Variants in LDB2 observed in about 807,000 individuals in gnomAD.
LDB2 encodes the protein LIM domain binding 2.
Under a neutral mutation model 44.3 loss-of-function variants are expected in LDB2, and 12 were observed. The ratio of observed to expected loss-of-function variants is 0.27; its 90% CI spans 0.17 to 0.44. The LOEUF is 0.44. LDB2 is among the 20% of genes least tolerant of loss of function. LDB2 has a pLI of 1.00. For missense variants in LDB2, 344 were observed against 473.5 expected (o/e 0.73, Z 2.54); for synonymous variants, 164 against 174.8 (o/e 0.94, Z 0.49).
chr4:16,744,857 A>G (rs1488580449), intron 2 of LDB2, among the ~76,000 whole-genome samples: 1 of 152,232 alleles, frequency 6.6e-6, no homozygotes, highest in Non-Finnish European at 1.5e-5. Flanking sequence ...GCCTTGAGCA[A>G]GTCAAAGCCA....
At position 16,608,295 on chromosome 4, in the gene LDB2, G is replaced by C. The variant is rs147628415; in HGVS notation, c.236-12420C>G. On this transcript the variant is annotated intron_variant, in intron 2 of 7. Transcript: ENST00000304523. Reference sequence around the variant, plus strand: ...AGGAAGTAAAAGTCCTTGGAAATGAGAAGCAGTAAAAAAAGGGTCAGATTC... The same window carrying C: ...AGGAAGTAAAAGTCCTTGGAAATGACAAGCAGTAAAAAAAGGGTCAGATTC... Among the ~76,000 whole-genome samples, 6 of 151,692 alleles carry C rather than the reference G, an allele frequency of 4.0e-5. No homozygotes were observed. The East Asian group carries it at 1.2e-3, about 30-fold the overall frequency.
intron 1 of LDB2, among the ~76,000 whole-genome samples, chr4:16,828,083 G>GCTTC (rs999875421): frequency 1.4e-4 from 21 of 152,110 alleles, no homozygotes; most frequent in Non-Finnish European, 2.4e-4. Context: ...TCCCCAGGAT[G>GCTTC]CTTCCATCTG....
rs1713263664 is a variant in LDB2 at position 16,579,276 on chromosome 4, A to AC, written c.615+6645dup. 2.0e-5 allele frequency among the ~76,000 whole-genome samples: 3 copies of AC among 152,236 alleles called. No homozygotes were observed. In the South Asian group the frequency reaches 6.2e-4, roughly 32 times the overall value. ...ATGCATTACATGCCTGTATCAAAAT[A>AC]CCTCATGTAACTTATAAATATATAC... On this transcript the variant is annotated intron_variant, in intron 5 of 7. Transcript: ENST00000304523.
intron 1 of LDB2, among the ~76,000 whole-genome samples, chr4:16,792,891 A>C (rs1473974181): frequency 6.6e-6 from 1 of 152,236 alleles, no homozygotes; most frequent in South Asian, 2.1e-4. Flanking sequence ...AGAAATAAAC[A>C]TCAATTTGGG....
intron 1 of LDB2, among the ~76,000 whole-genome samples, chr4:16,823,843 C>A (rs1388505420): frequency 1.3e-5 from 2 of 152,176 alleles, no homozygotes; most frequent in Admixed American, 6.5e-5. Flanking sequence ...TACAATCTTA[C>A]CTAATTATGC....
At chr4:16,637,170 A>G (rs373608733) in intron 2 of LDB2, among the ~76,000 whole-genome samples, 1 of 152,206 alleles carries the variant, frequency 6.6e-6, no homozygotes. Flanking sequence ...CACAAATTCT[A>G]CTTTTGTGGA....
intron 7 of LDB2, among the ~76,000 whole-genome samples, chr4:16,505,329 T>C (rs564778773): frequency 4.2e-4 from 64 of 151,896 alleles, no homozygotes; most frequent in Non-Finnish European, 5.1e-4. Context: ...AGCTAGATAC[T>C]TAGTTGTGTG....
chr4:16,531,871 A>T (rs1730259397), intron 5 of LDB2, among the ~76,000 whole-genome samples: 2 of 152,176 alleles, frequency 1.3e-5, no homozygotes, highest in African/African-American at 4.8e-5. Flanking sequence ...GACATTGTGT[A>T]AGGAAATATG....
Position 16,582,688 on chromosome 4 carries a change from G to C in LDB2, c.615+3234C>G, listed in dbSNP as rs893951297. Among the ~76,000 whole-genome samples the C allele has an allele frequency of 6.6e-6, 1 of 152,104 alleles. No homozygotes were observed. The highest frequency in any genetic ancestry group is 1.5e-5 in the Non-Finnish European group (1 of 68,014). On this transcript the variant is annotated intron_variant, in intron 5 of 7. Coordinates refer to ENST00000304523, the MANE Select transcript of LDB2 (RefSeq NM_001290.5). The surrounding 1 kb of genome is among the most constrained non-coding windows in gnomAD (Gnocchi z 4.8). Reference sequence around the variant, plus strand: ...GCTCTGGCTTGGATAACTGCTGCAGGGACACTCAGTCAGCAAGCCACAGCC... The same window carrying C: ...GCTCTGGCTTGGATAACTGCTGCAGCGACACTCAGTCAGCAAGCCACAGCC...
At chr4:16,880,110 G>C (rs534904074) in intron 1 of LDB2, among the ~76,000 whole-genome samples, 1 of 151,878 alleles carries the variant, frequency 6.6e-6, no homozygotes, top group Non-Finnish European at 1.5e-5. Context: ...TTATCAAACC[G>C]ATCCCAGCCT....
At chr4:16,548,343 C>A (rs1180891801) in intron 5 of LDB2, among the ~76,000 whole-genome samples, 1 of 152,180 alleles carries the variant, frequency 6.6e-6, no homozygotes, top group African/African-American at 2.4e-5. Context: ...GGCTTCTGAT[C>A]CCAAATCTTT....
At chr4:16,505,399 TTGACAAA>T (rs1452355005) in intron 7 of LDB2, among the ~76,000 whole-genome samples, 1 of 152,074 alleles carries the variant, frequency 6.6e-6, no homozygotes, top group East Asian at 1.9e-4. Context: ...GCGTGCATAA[TTGACAAA>T]TGGCAAGTTA....
chr4:16,722,493 T>A (rs1436627283), intron 2 of LDB2, among the ~76,000 whole-genome samples: 1 of 152,176 alleles, frequency 6.6e-6, no homozygotes, highest in Non-Finnish European at 1.5e-5. Context: ...AAGCAGATAT[T>A]TTTAAAGGGC....
At chr4:16,874,381 A>G (rs16894125) in intron 1 of LDB2, among the ~76,000 whole-genome samples, 10,800 of 152,224 alleles carry the variant, frequency 0.071, 1,275 homozygotes, top group African/African-American at 0.24. Context: ...TCCAATATCA[A>G]TCTGATGTCT....
At chr4:16,637,865 T>G (rs1734038615) in intron 2 of LDB2, among the ~76,000 whole-genome samples, 1 of 152,002 alleles carries the variant, frequency 6.6e-6, no homozygotes, top group African/African-American at 2.4e-5. Context: ...ACAAAGCACA[T>G]CCTCTGTCAA....
Position 16,563,429 on chromosome 4 carries a change from ATTTTTTTTTTTTTTTTTTTTTTT to A in LDB2, c.615+22470_615+22492del, listed in dbSNP as rs1169491759. Among the ~76,000 whole-genome samples the A allele has an allele frequency of 3.6e-4, 17 of 46,578 alleles. No homozygotes were observed. In the East Asian group the frequency reaches 6.8e-3, roughly 19 times the overall value. 30.6% of individuals were successfully genotyped at this position (46,578 alleles called of 152,430 possible). ...TCAAAACCATCTCATCAGTCATCAG[ATTTTTTTTTTTTTTTTTTTTTTT>A]TTTTTTTTTTTTTTGAGATGGAGTC... On this transcript the variant is annotated intron_variant, in intron 5 of 7. Coordinates refer to ENST00000304523, the MANE Select transcript of LDB2 (RefSeq NM_001290.5).
rs370560304 is a variant in LDB2 at position 16,544,221 on chromosome 4, G to T, written c.616-32117C>A. 2.4e-4 allele frequency among the ~76,000 whole-genome samples: 36 copies of T among 152,330 alleles called. 2 individuals carry two copies. In the East Asian group the frequency reaches 2.5e-3, roughly 11 times the overall value. ...AGCAATTGGAGAAAAGACGGGAGAG[G>T]AGAGAACCCTATGAACCCTGTGAAC... On this transcript the variant is annotated intron_variant, in intron 5 of 7. Coordinates refer to ENST00000304523, the MANE Select transcript of LDB2 (RefSeq NM_001290.5).
At chr4:16,830,181 C>T (rs1298912393) in intron 1 of LDB2, among the ~76,000 whole-genome samples, 2 of 152,126 alleles carry the variant, frequency 1.3e-5, no homozygotes, top group Non-Finnish European at 2.9e-5. Flanking sequence ...TCTGTCTCCC[C>T]ATCCAAACCT....
At chr4:16,542,556 G>T (rs1431491463) in intron 5 of LDB2, among the ~76,000 whole-genome samples, 2 of 152,130 alleles carry the variant, frequency 1.3e-5, no homozygotes, top group Non-Finnish European at 2.9e-5. Flanking sequence ...GAGAAGCAGA[G>T]GCTAGATGAT....
Sources: allele counts gnomAD v4.1 joint callset (sites outside exome capture counted in the v4.1 genomes callset), GRCh38; gene constraint gnomAD v4.1.1; non-coding constraint Gnocchi (gnomAD v3.1); transcripts MANE v1.5; gene names NCBI Gene and HGNC (gene_info 2026-07-23, HGNC 2026-07-21).